Variants in SUPT3H observed in about 807,000 individuals in gnomAD.
SUPT3H encodes SPT3 homolog, SAGA and STAGA complex component, also known as transcription initiation protein SPT3 homolog.
A neutral mutation model predicts 44.3 loss-of-function variants in SUPT3H; 44 were observed. The ratio of observed to expected loss-of-function variants is 0.99; its 90% confidence interval spans 0.78 to 1.28. The LOEUF is 1.28. Ranked by LOEUF, SUPT3H falls within the 50% of genes most tolerant of loss-of-function variation. The pLI is 0.00. For missense variants in SUPT3H, 380 were observed against 387.1 expected (o/e 0.98, Z 0.15); for synonymous variants, 124 against 125.6 (o/e 0.99, Z 0.09).
At chr6:45,087,555 G>A (rs1796626584) in intron 3 of SUPT3H, among the ~76,000 whole-genome samples, 1 of 151,578 alleles carries the variant, frequency 6.6e-6, no homozygotes, top group Admixed American at 6.6e-5. Context: ...ATTATTATTA[G>A]CAATAATAAT....
At chr6:44,814,144 G>C (rs12208507) in intron 11 of SUPT3H, among the ~76,000 whole-genome samples, 5,193 of 152,258 alleles carry the variant, frequency 0.034, 127 homozygotes, top group Non-Finnish European at 0.054. Flanking sequence ...CAAAATGACA[G>C]AGGCCAAAAG....
intron 2 of SUPT3H, among the ~76,000 whole-genome samples, chr6:45,287,674 C>G (rs546605208): frequency 7.9e-5 from 12 of 152,232 alleles, no homozygotes; most frequent in Non-Finnish European, 7.4e-5. Context: ...TGAAAAAGTT[C>G]TGGAGATGAA....
chr6:45,185,899 G>A lies in SUPT3H; in HGVS notation c.102-79893C>T, dbSNP rs554441826. Among the ~76,000 whole-genome samples, 15 of 152,182 alleles carry A rather than the reference G, an allele frequency of 9.9e-5. No individual in the cohort carries two copies. In the East Asian group the frequency reaches 2.5e-3, roughly 25 times the overall value. On this transcript the variant is annotated intron_variant, in intron 2 of 10. Transcript: ENST00000371459. Reference sequence around the variant, plus strand: ...CAGGATCAGCAAAGCCCAGAGGGAAGCAGAGTCCCAACCCACTTTGTACCA... The same window carrying A: ...CAGGATCAGCAAAGCCCAGAGGGAAACAGAGTCCCAACCCACTTTGTACCA...
chr6:44,832,197 G>A lies in SUPT3H; in HGVS notation c.913-2340C>T, dbSNP rs1012612224. Among the ~76,000 whole-genome samples, 7 of 152,128 alleles carry A rather than the reference G, an allele frequency of 4.6e-5. 1 individual carries two copies. Among genetic ancestry groups the A allele is most frequent in the African/African-American group, 1.7e-4 (7 of 41,418 alleles). The stretch of plus-strand genomic sequence containing the variant: ...GAATAAGCAACTTTACAGGAAGATG[G>A]ATGAAGACAACAACTCATCTTCACG... On this transcript the variant is annotated intron_variant, in intron 10 of 10. Transcript: ENST00000371459.
intron 11 of SUPT3H, among the ~76,000 whole-genome samples, chr6:44,813,284 T>G (rs550029553): frequency 6.6e-6 from 1 of 152,212 alleles, no homozygotes; most frequent in Non-Finnish European, 1.5e-5. Context: ...TTCCTGAGCT[T>G]AAGGGATCCT....
intron 2 of SUPT3H, among the ~76,000 whole-genome samples, chr6:45,186,294 T>C (rs1814199640): frequency 6.6e-6 from 1 of 151,882 alleles, no homozygotes; most frequent in South Asian, 2.1e-4. Context: ...AATCATAATA[T>C]GAATGAAAAA....
At chr6:45,040,934 C>T (rs1788436171) in intron 3 of SUPT3H, among the ~76,000 whole-genome samples, 1 of 152,116 alleles carries the variant, frequency 6.6e-6, no homozygotes, top group Admixed American at 6.6e-5. Flanking sequence ...TTATTTTTTC[C>T]ATTTCAAAAT....
At chr6:45,354,986 T>G (rs1054215819) in intron 2 of SUPT3H, among the ~76,000 whole-genome samples, 6 of 152,180 alleles carry the variant, frequency 3.9e-5, no homozygotes, top group Admixed American at 2.0e-4. Context: ...CTTTGAGGTT[T>G]TTTTTGGAGA....
intron 2 of SUPT3H, among the ~76,000 whole-genome samples, chr6:45,123,352 T>C (rs1801945759): frequency 6.6e-6 from 1 of 151,912 alleles, no homozygotes; most frequent in African/African-American, 2.4e-5. Flanking sequence ...TAAGTGTGAA[T>C]TTTAAATTGT....
At chr6:44,940,776 T>C (rs886520199) in intron 9 of SUPT3H, among the ~76,000 whole-genome samples, 2 of 152,192 alleles carry the variant, frequency 1.3e-5, no homozygotes, top group African/African-American at 2.4e-5. Flanking sequence ...AGAATTGTTT[T>C]AGCCTCTTGC....
chr6:45,081,653 G>A (rs953068586), intron 3 of SUPT3H, among the ~76,000 whole-genome samples: 30 of 151,970 alleles, frequency 2.0e-4, no homozygotes, highest in African/African-American at 7.3e-4. Context: ...CTAACTCTAC[G>A]TCTTATATAT....
intron 5 of SUPT3H, among the ~76,000 whole-genome samples, chr6:45,013,813 G>A (rs956767213): frequency 3.3e-5 from 5 of 152,064 alleles, no homozygotes; most frequent in African/African-American, 1.2e-4. Flanking sequence ...AACTGGAGGG[G>A]CAAGCTACAC....
intron 2 of SUPT3H, among the ~76,000 whole-genome samples, chr6:45,355,210 C>T (rs1192212006): frequency 1.3e-5 from 2 of 151,570 alleles, no homozygotes; most frequent in Non-Finnish European, 2.9e-5. Context: ...AATCCTCCTG[C>T]CTCAGCCTCC....
At chr6:45,301,169 G>T (rs763801826) in intron 2 of SUPT3H, among the ~76,000 whole-genome samples, 10 of 152,112 alleles carry the variant, frequency 6.6e-5, no homozygotes, top group Non-Finnish European at 1.3e-4. Context: ...CACTATGGGT[G>T]AGGGATAGGT....
intron 2 of SUPT3H, among the ~76,000 whole-genome samples, chr6:45,259,920 TTAGA>T (rs1274829250): frequency 3.3e-5 from 5 of 152,326 alleles, no homozygotes; most frequent in South Asian, 2.1e-4. Flanking sequence ...TAAATTATCA[TTAGA>T]TAGTTCTTTT....
intron 2 of SUPT3H, among the ~76,000 whole-genome samples, chr6:45,362,968 GGTTT>G (rs1794521107): frequency 6.6e-6 from 1 of 151,404 alleles, no homozygotes; most frequent in African/African-American, 2.4e-5. Flanking sequence ...GGAACAGTTT[GGTTT>G]TTTTAATATT....
At chr6:45,252,913 A>C (rs1441881004) in intron 2 of SUPT3H, among the ~76,000 whole-genome samples, 2 of 152,120 alleles carry the variant, frequency 1.3e-5, no homozygotes, top group Non-Finnish European at 2.9e-5. Flanking sequence ...GGATTCAAAA[A>C]CTAACAAGCA....
intron 2 of SUPT3H, among the ~76,000 whole-genome samples, chr6:45,157,677 C>A (rs1207831763): frequency 2.0e-5 from 3 of 151,698 alleles, no homozygotes; most frequent in Non-Finnish European, 4.4e-5. Flanking sequence ...GCCTCCTGAG[C>A]AGCTGGGATT....
At chr6:45,004,655 C>T (rs1263583177) in intron 5 of SUPT3H, among the ~76,000 whole-genome samples, 1 of 152,114 alleles carries the variant, frequency 6.6e-6, no homozygotes. Context: ...AATTCCAACT[C>T]AAAATCTTGT....
Sources: gnomAD v4.1 joint callset for allele counts (sites outside exome capture counted in the v4.1 genomes callset) on GRCh38, gnomAD v4.1.1 for gene constraint, MANE v1.5 for transcripts, NCBI Gene and HGNC (gene_info 2026-07-23, HGNC 2026-07-21) for gene names.